ERBB4: variants seen among roughly 807,000 people sequenced by gnomAD.
ERBB4 encodes the protein erb-b2 receptor tyrosine kinase 4.
A neutral mutation model predicts 158.0 loss-of-function variants in ERBB4; 42 were observed. The observed-to-expected ratio is 0.27, with a 90% CI of 0.21 to 0.34. The LOEUF (loss-of-function observed/expected upper bound fraction) is 0.34. Among genes scored for constraint, ERBB4 ranks in the 10% least tolerant of loss-of-function variants. The pLI is 1.00. For synonymous variants in ERBB4, 583 were observed against 558.7 expected (o/e 1.04, Z -0.61); for missense variants, 1,333 against 1,624.1 (o/e 0.82, Z 3.08).
At position 212,373,864 on chromosome 2, in the gene ERBB4, CAT is replaced by C. The variant is rs568104058; in HGVS notation, c.82+164583_82+164584del. Among the ~76,000 whole-genome samples, 223 of 73,590 alleles carry C rather than the reference CAT, an allele frequency of 3.0e-3. 28 individuals are homozygous for C. Among genetic ancestry groups the C allele is most frequent in the Non-Finnish European group, 4.4e-3 (143 of 32,138 alleles). The allele number at this position is 73,590 out of a possible 152,430, so 48.3% of individuals were successfully genotyped here. ...CCATGTATATATCCATGTATATATC[CAT>C]ATATATATATCCATGTATATATCCA... On this transcript the variant is annotated intron_variant, in intron 1 of 27. Transcript: ENST00000342788.
intron 2 of ERBB4, among the ~76,000 whole-genome samples, chr2:212,091,405 T>C (rs1360720052): frequency 1.3e-5 from 2 of 152,148 alleles, no homozygotes; most frequent in African/African-American, 4.8e-5. Flanking sequence ...ATGACTTACA[T>C]CCCTACTTCA....
intron 1 of ERBB4, among the ~76,000 whole-genome samples, chr2:212,384,399 C>G (rs1361243221): frequency 6.6e-6 from 1 of 151,404 alleles, no homozygotes; most frequent in African/African-American, 2.4e-5. Context: ...TTTTCTCTCT[C>G]CTTCTTGTGA....
intron 1 of ERBB4, among the ~76,000 whole-genome samples, chr2:212,307,746 G>T (rs1272794091): frequency 6.6e-6 from 1 of 151,082 alleles, no homozygotes; most frequent in Non-Finnish European, 1.5e-5. Flanking sequence ...TTAAAATACA[G>T]AGATTTCATG....
At chr2:211,859,250 T>C (rs1180611331) in intron 3 of ERBB4, among the ~76,000 whole-genome samples, 4 of 152,238 alleles carry the variant, frequency 2.6e-5, no homozygotes, top group Non-Finnish European at 5.9e-5. Flanking sequence ...CAATTCCTCA[T>C]GCATTCCCTT....
rs530765470 is a variant in ERBB4 at position 211,705,168 on chromosome 2, G to T, written c.1198+150C>A. On this transcript the variant is annotated intron_variant, in intron 10 of 27. Transcript: ENST00000342788. ...GACAGGGTTTCTCCATGTTGGCCAG[G>T]ATTTCCATCTCCTGACCTCATGATC... 9.7e-4 allele frequency: 631 copies of T among 649,950 alleles called. 3 individuals carry two copies. The highest frequency in any genetic ancestry group is 1.3e-3 in the Non-Finnish European group (449 of 353,752). The allele number at this position is 649,950 out of a possible 1,614,324, so 40.3% of individuals were successfully genotyped here. A position where few individuals can be genotyped will look rare whatever the true frequency, so the allele number is the denominator to read the frequency against.
intron 17 of ERBB4, among the ~76,000 whole-genome samples, chr2:211,628,492 C>T (rs1042175912): frequency 1.3e-5 from 2 of 152,182 alleles, no homozygotes; most frequent in African/African-American, 4.8e-5. Context: ...CTACAAAGAA[C>T]ATGAACTCAT....
intron 1 of ERBB4, among the ~76,000 whole-genome samples, chr2:212,201,009 C>T (rs994975564): frequency 3.9e-5 from 6 of 152,068 alleles, no homozygotes; most frequent in Admixed American, 2.6e-4. Context: ...GAAGAATTTC[C>T]ACGAATGTCT....
intron 13 of ERBB4, among the ~76,000 whole-genome samples, chr2:211,676,653 A>C (rs2105949560): frequency 6.6e-6 from 1 of 152,340 alleles, no homozygotes; most frequent in South Asian, 2.1e-4. Flanking sequence ...TTGCGAGTTC[A>C]GCCCATACTT....
At chr2:211,694,697 C>T (rs1194205127) in intron 12 of ERBB4, among the ~76,000 whole-genome samples, 5 of 152,030 alleles carry the variant, frequency 3.3e-5, no homozygotes, top group Admixed American at 1.3e-4. Context: ...TTCAAAGTTA[C>T]ACACTTTATG....
At chr2:211,649,028 T>C (rs2070883427) in intron 16 of ERBB4, among the ~76,000 whole-genome samples, 1 of 151,938 alleles carries the variant, frequency 6.6e-6, no homozygotes, top group Non-Finnish European at 1.5e-5. Flanking sequence ...TTTGTTCATA[T>C]ATGTCTTAGA....
rs2125311593 is a variant in ERBB4 at position 211,383,956 on chromosome 2, G to A, written c.3586C>T (p.Pro1196Ser). ...TTCACATACTCATCCTCGGCCTTGG[G>A]TGGACCATTGGATGCATTGTGATAT... ...PEYHNASNGP[P>S]KAEDEYVNEP... is the part of the protein sequence containing the mutation. The change falls in exon 28 of 28, where the codon CCC becomes TCC. Residue 1196 changes from proline (P) to serine (S), a missense_variant. This residue lies in a region of ERBB4 where 252 missense variants were observed against 241.3 expected (regional missense o/e 1.04). Transcript: ENST00000342788. 6.2e-7 allele frequency: 1 copy of A among 1,614,042 alleles called. No homozygotes were observed. Among genetic ancestry groups the A allele is most frequent in the Non-Finnish European group, 8.5e-7 (1 of 1,180,008 alleles).
At chr2:212,157,524 T>C (rs1450513646) in intron 1 of ERBB4, among the ~76,000 whole-genome samples, 3 of 152,082 alleles carry the variant, frequency 2.0e-5, no homozygotes, top group African/African-American at 7.2e-5. Flanking sequence ...CAAAATCATT[T>C]TTAGGTATTG....
chr2:211,839,325 A>C (rs1333966248), intron 3 of ERBB4, among the ~76,000 whole-genome samples: 1 of 151,818 alleles, frequency 6.6e-6, no homozygotes, highest in African/African-American at 2.4e-5. Context: ...AGTTCACTTA[A>C]AAAGTAGCTC....
At chr2:211,830,746 C>A (rs891348882) in intron 3 of ERBB4, among the ~76,000 whole-genome samples, 2 of 151,680 alleles carry the variant, frequency 1.3e-5, no homozygotes, top group East Asian at 3.9e-4. Context: ...TAAAATACAA[C>A]CCAGGTAGCA....
intron 1 of ERBB4, among the ~76,000 whole-genome samples, chr2:212,211,766 C>T (rs2082942907): frequency 6.6e-6 from 1 of 151,894 alleles, no homozygotes; most frequent in African/African-American, 2.4e-5. Flanking sequence ...GTGTATTGTT[C>T]CCCCTCTCTG....
intron 20 of ERBB4, among the ~76,000 whole-genome samples, chr2:211,488,965 T>C (rs1046215926): frequency 6.6e-6 from 1 of 152,138 alleles, no homozygotes; most frequent in Non-Finnish European, 1.5e-5. Context: ...CAATGTGCTC[T>C]CTAATCAGAT....
chr2:211,396,340 A>C (rs537203911), intron 25 of ERBB4, among the ~76,000 whole-genome samples: 34 of 152,176 alleles, frequency 2.2e-4, no homozygotes, highest in Admixed American at 1.8e-3. Context: ...CTTATGTTTC[A>C]CATGCAGATA....
At chr2:211,966,171 G>A (rs1305303559) in intron 2 of ERBB4, among the ~76,000 whole-genome samples, 5 of 152,120 alleles carry the variant, frequency 3.3e-5, no homozygotes, top group Admixed American at 6.6e-5. Context: ...CCGTTTTCAC[G>A]CCATTGCACT....
rs532006801 is a variant in ERBB4, at chr2:211,903,150, A to G, written c.421+44280T>C. Among the ~76,000 whole-genome samples the G allele has an allele frequency of 7.5e-5, 11 of 146,914 alleles. No homozygotes were observed. The South Asian group carries it at 2.1e-3, about 28-fold the overall frequency. ...GCCACAATGTTTCTTTCTTCAAATCATCAGATTGAGTGGCAAATAAATGTT... is the reference window on the plus strand; with the variant it reads ...GCCACAATGTTTCTTTCTTCAAATCGTCAGATTGAGTGGCAAATAAATGTT... On this transcript the variant is annotated intron_variant, in intron 3 of 27. Transcript: ENST00000342788.
Sources: allele counts gnomAD v4.1 joint callset (sites outside exome capture counted in the v4.1 genomes callset), GRCh38; gene constraint gnomAD v4.1.1; regional missense constraint gnomAD v4.1.1; transcripts MANE v1.5; gene names NCBI Gene and HGNC (gene_info 2026-07-23, HGNC 2026-07-21).